Variants in LRRC61 observed in about 807,000 individuals in gnomAD.
The protein encoded by LRRC61 is leucine rich repeat containing 61.
In LRRC61, 9 loss-of-function variants were observed where a neutral mutation model predicts 15.1. The observed-to-expected ratio is 0.60, with a 90% CI of 0.36 to 1.04. The LOEUF (loss-of-function observed/expected upper bound fraction) is 1.04, where lower values mean the gene tolerates loss of function less well. LRRC61 is among the 50% of genes least tolerant of loss of function. The probability of loss-of-function intolerance (pLI) is 0.01; values close to 1 mark genes in which losing one functional copy is unlikely to be tolerated. For synonymous variants in LRRC61, 173 were observed against 158.6 expected, an observed-to-expected ratio of 1.09 and a Z score of -0.68; for missense variants, 344 against 335.6, an observed-to-expected ratio of 1.03 and a Z score of -0.20.
chr7:150,323,861 G>A (rs1797823032), intron 1 of LRRC61: 1 of 369,174 alleles, frequency 2.7e-6, no homozygotes, highest in Non-Finnish European at 5.4e-6. Context: ...GATCACGGCC[G>A]TGCTCAGAGA....
chr7:150,334,437 C>T (rs1798219044), intron 2 of LRRC61, among the ~76,000 whole-genome samples: 1 of 140,984 alleles, frequency 7.1e-6, no homozygotes, highest in African/African-American at 2.6e-5. Context: ...CATAGGACAT[C>T]TTCCACATTC....
chr7:150,317,703 G>A, the LRRC61 span, among the ~76,000 whole-genome samples: 1 of 152,144 alleles, frequency 6.6e-6, no homozygotes, highest in Admixed American at 6.5e-5. Context: ...CTATCTTTGA[G>A]GTTGAGGTGG....
In LRRC61 at chr7:150,337,056, C is replaced by T. The variant is rs1378959024; in HGVS notation, c.195C>T (p.Leu65=). Residue 65 remains leucine (L), a synonymous_variant, in exon 3 of 3, where the codon CTC becomes CTT. Coordinates refer to ENST00000359623, the MANE Select transcript of LRRC61 (RefSeq NM_001142928.2). The part of the protein sequence containing the change: ...LEWLDLSGNA[L]THLGPLASLR... ...GGCTGGACCTATCAGGCAACGCGCT[C>T]ACCCACCTGGGCCCGCTGGCCTCCT... 6.2e-7 allele frequency: 1 copy of T among 1,613,314 alleles called. No homozygotes were observed. Among genetic ancestry groups the T allele is most frequent in the African/African-American group, 1.3e-5 (1 of 75,074 alleles).
chr7:150,314,192 G>A, the LRRC61 span, among the ~76,000 whole-genome samples: 6 of 152,206 alleles, frequency 3.9e-5, no homozygotes, highest in African/African-American at 1.4e-4. Context: ...CCGTCACTGT[G>A]GCAGGAGCCG....
chr7:150,329,376 C>T (rs1189502668), intron 2 of LRRC61, among the ~76,000 whole-genome samples: 3 of 152,188 alleles, frequency 2.0e-5, no homozygotes, highest in South Asian at 2.1e-4. Context: ...TGTGGGCACC[C>T]GGGAGACGGG....
At chr7:150,325,522 C>T (rs1797938614) in intron 1 of LRRC61, among the ~76,000 whole-genome samples, 1 of 152,192 alleles carries the variant, frequency 6.6e-6, no homozygotes, top group African/African-American at 2.4e-5. Context: ...GGCTGGAATG[C>T]AGTGGTGCAA....
At chr7:150,331,254 C>G in intron 2 of LRRC61, 1 of 857,244 alleles carries the variant, frequency 1.2e-6, no homozygotes, top group Non-Finnish European at 1.8e-6. Context: ...CCCTCATCTG[C>G]TCTAGTGGTG....
chr7:150,323,680 G>A (rs1202413572), intron 1 of LRRC61, 120 bp downstream of exon 1: 2 of 456,238 alleles, frequency 4.4e-6, no homozygotes, highest in Non-Finnish European at 4.4e-6. Flanking sequence ...ACTGGGAGAG[G>A]CCAGAATCTT....
upstream of LRRC61, among the ~76,000 whole-genome samples, chr7:150,321,422 A>G (rs1209201046): frequency 1.3e-5 from 2 of 152,220 alleles, no homozygotes; most frequent in Non-Finnish European, 2.9e-5. Context: ...TCTCCGAGGC[A>G]TGGAGATCAA....
At position 150,337,149 on chromosome 7, in the gene LRRC61, T is replaced by C; in HGVS notation, c.288T>C (p.Cys96=). Residue 96 remains cysteine, a synonymous_variant, in exon 3 of 3, where the codon TGT becomes TGC. Coordinates refer to ENST00000359623, the MANE Select transcript of LRRC61 (RefSeq NM_001142928.2). ...RLTGLEPLAT[C]ENLQSLNAAG... ...CGGGCCTGGAGCCACTGGCCACCTG[T>C]GAGAACTTGCAGAGTCTCAATGCCG... 1.2e-6 allele frequency: 2 copies of C among 1,611,278 alleles called. No homozygotes were observed. The highest frequency in any genetic ancestry group is 2.2e-5 in the East Asian group (1 of 44,872).
chr7:150,311,140 T>C, the LRRC61 span, among the ~76,000 whole-genome samples: 1 of 152,352 alleles, frequency 6.6e-6, no homozygotes, highest in East Asian at 1.9e-4. Context: ...ACTGATCCCA[T>C]AGACCCTAAG....
At chr7:150,328,431 A>G (rs1424685568) in intron 2 of LRRC61, among the ~76,000 whole-genome samples, 1 of 152,264 alleles carries the variant, frequency 6.6e-6, no homozygotes, top group Non-Finnish European at 1.5e-5. Flanking sequence ...GTATAGTTAC[A>G]CAAACTAGGC....
chr7:150,314,563 T>C, the LRRC61 span, among the ~76,000 whole-genome samples: 1 of 152,084 alleles, frequency 6.6e-6, no homozygotes, highest in Non-Finnish European at 1.5e-5. Context: ...GGCAAACATA[T>C]AGTTACTCTT....
rs1016049931 is a variant in LRRC61 at position 150,330,807 on chromosome 7, AG to A, written c.-145+4800del. The A allele has an allele frequency of 3.1e-6, 5 of 1,611,410 alleles. No individual in the cohort carries two copies. The Admixed American group carries it at 8.3e-5, about 27-fold the overall frequency. ...CAGGGGTCTGTGCGTGGACCCCACC[AG>A]GGTAGCCAAGAGCTCCGGGGTGGAG... On this transcript the variant is annotated intron_variant, in intron 2 of 2. Coordinates refer to ENST00000359623, the MANE Select transcript of LRRC61 (RefSeq NM_001142928.2). This position sits in a 1 kb window ranked among gnomAD's most constrained non-coding sequence, Gnocchi z 4.6.
At chr7:150,328,685 A>C (rs1475259929) in intron 2 of LRRC61, 1 of 152,262 alleles carries the variant, frequency 6.6e-6, no homozygotes, top group African/African-American at 2.4e-5. Context: ...CTGGCTGTGC[A>C]CACCACATGA....
At chr7:150,315,634 C>T in the LRRC61 span, among the ~76,000 whole-genome samples, 1 of 152,068 alleles carries the variant, frequency 6.6e-6, no homozygotes. Context: ...AAACTGAGCT[C>T]ACAGTGAAAA....
chr7:150,313,155 A>G, the LRRC61 span, among the ~76,000 whole-genome samples: 2 of 152,142 alleles, frequency 1.3e-5, no homozygotes, highest in African/African-American at 4.8e-5. Context: ...AAGTCCTATA[A>G]AGCTGCCTCT....
At chr7:150,331,245 C>G (rs1231632581) in intron 2 of LRRC61, 13 of 912,992 alleles carry the variant, frequency 1.4e-5, no homozygotes, top group Non-Finnish European at 2.1e-5. Flanking sequence ...CCCCGCCTCC[C>G]CTCATCTGCT....
chr7:150,334,214 C>T, intron 2 of LRRC61: 2 of 699,906 alleles, frequency 2.9e-6, no homozygotes, highest in South Asian at 1.3e-4. Flanking sequence ...TTAACCTCTG[C>T]AGTCCCACTG....
Sources: gnomAD v4.1 joint callset for allele counts (sites outside exome capture counted in the v4.1 genomes callset) on GRCh38, gnomAD v4.1.1 for gene constraint, Gnocchi (gnomAD v3.1) non-coding constraint, MANE v1.5 for transcripts, NCBI Gene and HGNC (gene_info 2026-07-23, HGNC 2026-07-21) for gene names.